The following HTR1F variants were observed in gnomAD, a reference collection of about 807,000 sequenced individuals.
The protein encoded by HTR1F is 5-hydroxytryptamine (serotonin) receptor 1F, G protein-coupled.
In HTR1F, 17 loss-of-function variants were observed where a neutral mutation model predicts 24.0. The ratio of observed to expected loss-of-function variants is 0.71; its 90% CI spans 0.48 to 1.06. The LOEUF (loss-of-function observed/expected upper bound fraction) is 1.06, where lower values mean the gene tolerates loss of function less well. HTR1F is among the 50% of genes least tolerant of loss of function. HTR1F has a pLI of 0.00. For missense variants in HTR1F, 391 were observed against 427.8 expected, an observed-to-expected ratio of 0.91 and a Z score of 0.76; for synonymous variants, 186 against 156.8, an observed-to-expected ratio of 1.19 and a Z score of -1.39.
intron 2 of HTR1F, among the ~76,000 whole-genome samples, chr3:87,989,653 T>A (rs1268562494): frequency 6.6e-6 from 1 of 152,214 alleles, no homozygotes; most frequent in African/African-American, 2.4e-5. Context: ...GTTCTCAATG[T>A]AACTTTCAAT....
intron 2 of HTR1F, among the ~76,000 whole-genome samples, chr3:87,845,904 G>T (rs1339543075): frequency 6.6e-6 from 1 of 151,844 alleles, no homozygotes; most frequent in Admixed American, 6.6e-5. Flanking sequence ...TTTGTCCATT[G>T]GATTGTAAAT....
At chr3:87,915,231 C>T (rs1332731729) in intron 2 of HTR1F, among the ~76,000 whole-genome samples, 2 of 152,134 alleles carry the variant, frequency 1.3e-5, no homozygotes, top group Non-Finnish European at 2.9e-5. Flanking sequence ...TCCCCTCTGA[C>T]AGAGCCTACC....
chr3:87,869,447 A>AGAT (rs1209459612), intron 2 of HTR1F, among the ~76,000 whole-genome samples: 489 of 117,658 alleles, frequency 4.2e-3, no homozygotes, highest in African/African-American at 8.4e-3. Context: ...ATAGATAGAT[A>AGAT]GATAGATGAT....
chr3:87,813,211 C>T (rs1396650049), intron 1 of HTR1F, among the ~76,000 whole-genome samples: 2 of 152,238 alleles, frequency 1.3e-5, no homozygotes, highest in East Asian at 3.9e-4. Context: ...TGTGAAAGAG[C>T]TACCTAAGGC....
At chr3:87,970,359 G>A (rs1705259910) in intron 2 of HTR1F, among the ~76,000 whole-genome samples, 1 of 152,136 alleles carries the variant, frequency 6.6e-6, no homozygotes, top group African/African-American at 2.4e-5. Flanking sequence ...ATCAAGGATG[G>A]GGACAAGAAT....
At chr3:87,949,869 G>A (rs553325486) in intron 2 of HTR1F, among the ~76,000 whole-genome samples, 15 of 152,264 alleles carry the variant, frequency 9.9e-5, no homozygotes, top group African/African-American at 2.4e-4. Flanking sequence ...TCTACTTTAC[G>A]TTGCTAGAAA....
At chr3:87,837,197 G>T (rs1704700304) in intron 2 of HTR1F, among the ~76,000 whole-genome samples, 1 of 151,890 alleles carries the variant, frequency 6.6e-6, no homozygotes, top group South Asian at 2.1e-4. Flanking sequence ...AGTTAATAAA[G>T]AAGAAAAGGA....
intron 2 of HTR1F, among the ~76,000 whole-genome samples, chr3:87,988,812 C>G (rs1705738762): frequency 6.6e-6 from 1 of 151,736 alleles, no homozygotes; most frequent in African/African-American, 2.4e-5. Context: ...CTCCTGACCT[C>G]AAGTGATCCC....
At chr3:87,926,809 C>T (rs140831934) in intron 2 of HTR1F, among the ~76,000 whole-genome samples, 8 of 152,190 alleles carry the variant, frequency 5.3e-5, no homozygotes, top group South Asian at 2.1e-4. Flanking sequence ...AGAGTTGCTA[C>T]CCACACATGT....
chr3:87,886,462 T>C (rs548168129), intron 2 of HTR1F, among the ~76,000 whole-genome samples: 63 of 152,266 alleles, frequency 4.1e-4, no homozygotes, highest in African/African-American at 1.4e-3. Flanking sequence ...ACCACTCCTA[T>C]GCAACATAGT....
chr3:87,856,009 G>A (rs1435353420), intron 2 of HTR1F, among the ~76,000 whole-genome samples: 1 of 151,990 alleles, frequency 6.6e-6, no homozygotes, highest in Non-Finnish European at 1.5e-5. Context: ...CTTCCTTTAA[G>A]TAAAAAGGTG....
intron 1 of HTR1F, among the ~76,000 whole-genome samples, chr3:87,807,779 G>A (rs1391005273): frequency 9.2e-5 from 14 of 151,632 alleles, no homozygotes; most frequent in Admixed American, 9.2e-4. Flanking sequence ...CCTTTATTAT[G>A]TTGAAGTATG....
chr3:87,945,189 G>A (rs191795779), intron 2 of HTR1F, among the ~76,000 whole-genome samples: 81 of 151,890 alleles, frequency 5.3e-4, no homozygotes, highest in Admixed American at 9.8e-4. Flanking sequence ...CCCTGGCAAG[G>A]ATGGTGGGGA....
At chr3:87,969,421 G>A (rs1232931323) in intron 2 of HTR1F, among the ~76,000 whole-genome samples, 1 of 152,200 alleles carries the variant, frequency 6.6e-6, no homozygotes. Flanking sequence ...GCATGACCTG[G>A]ATGTGAGACA....
chr3:87,932,257 A>G (rs1408511313), intron 2 of HTR1F, among the ~76,000 whole-genome samples: 2 of 152,280 alleles, frequency 1.3e-5, no homozygotes, highest in Non-Finnish European at 1.5e-5. Context: ...TCAGCCTTCT[A>G]CATATGGCTA....
chr3:87,877,971 A>T (rs1705707719), intron 2 of HTR1F, among the ~76,000 whole-genome samples: 1 of 152,134 alleles, frequency 6.6e-6, no homozygotes, highest in Non-Finnish European at 1.5e-5. Context: ...TTAATATCTT[A>T]TTATTTAAGT....
At chr3:87,829,984 G>A (rs1704543178) in intron 2 of HTR1F, among the ~76,000 whole-genome samples, 1 of 152,108 alleles carries the variant, frequency 6.6e-6, no homozygotes, top group Admixed American at 6.6e-5. Context: ...AGTCTTTAGT[G>A]TGATGTATAC....
At chr3:87,811,255 T>C (rs896746272) in intron 1 of HTR1F, among the ~76,000 whole-genome samples, 4 of 149,842 alleles carry the variant, frequency 2.7e-5, no homozygotes, top group African/African-American at 9.9e-5. Flanking sequence ...TATTTCCAGG[T>C]CATTCAGTGG....
chr3:87,839,783 G>A (rs1407766376), intron 2 of HTR1F, among the ~76,000 whole-genome samples: 1 of 151,968 alleles, frequency 6.6e-6, no homozygotes, highest in Non-Finnish European at 1.5e-5. Flanking sequence ...GTATTCTCCA[G>A]TGTCTGTTGT....
Sources: allele counts gnomAD v4.1 joint callset (sites outside exome capture counted in the v4.1 genomes callset), GRCh38; gene constraint gnomAD v4.1.1; transcripts MANE v1.5; gene names NCBI Gene and HGNC (gene_info 2026-07-23, HGNC 2026-07-21).